EMB: variants seen among roughly 807,000 people sequenced by gnomAD.
EMB encodes embigin.
A neutral mutation model predicts 41.4 loss-of-function variants in EMB; 31 were observed. The observed-to-expected ratio is 0.75, with a 90% CI of 0.56 to 1.01. The LOEUF (loss-of-function observed/expected upper bound fraction) is 1.01. Ranked by LOEUF, EMB falls within the 50% of genes least tolerant of loss-of-function variation. The pLI is 0.00. For synonymous variants in EMB, 137 were observed against 140.4 expected (o/e 0.98, Z 0.17); for missense variants, 379 against 388.3 (o/e 0.98, Z 0.20).
At chr5:50,438,331 C>T (rs1745839231) in intron 1 of EMB, among the ~76,000 whole-genome samples, 2 of 152,190 alleles carry the variant, frequency 1.3e-5, no homozygotes, top group South Asian at 2.1e-4. Flanking sequence ...CCTCTGCCCT[C>T]CAGCCTGAGC....
intron 2 of EMB, among the ~76,000 whole-genome samples, chr5:50,419,137 T>C (rs1471636970): frequency 1.3e-5 from 2 of 152,224 alleles, no homozygotes; most frequent in African/African-American, 2.4e-5. Flanking sequence ...AGGACTCAGA[T>C]CAGCCAGTCC....
At chr5:50,440,835 G>A (rs1745895002) in intron 1 of EMB, among the ~76,000 whole-genome samples, 1 of 152,116 alleles carries the variant, frequency 6.6e-6, no homozygotes, top group Non-Finnish European at 1.5e-5. Context: ...AGGAACGCGA[G>A]CCGCAGCAGT....
At chr5:50,440,653 A>T (rs1021876416) in intron 1 of EMB, among the ~76,000 whole-genome samples, 1 of 152,020 alleles carries the variant, frequency 6.6e-6, no homozygotes, top group African/African-American at 2.4e-5. Flanking sequence ...GCCTTGGGGA[A>T]ATGTGGCTTT....
chr5:50,427,535 G>A (rs1378184585), intron 2 of EMB, among the ~76,000 whole-genome samples: 1 of 151,384 alleles, frequency 6.6e-6, no homozygotes, highest in Non-Finnish European at 1.5e-5. Context: ...ATTTGACAGA[G>A]TCTCACTCTG....
rs767362572 is a variant in EMB at position 50,405,789 on chromosome 5, G to T, written c.536C>A (p.Thr179Lys). 1.3e-5 allele frequency: 21 copies of T among 1,606,672 alleles called. No individual in the cohort carries two copies. The highest frequency in any genetic ancestry group is 3.4e-5 in the Admixed American group (2 of 59,008). ...ISYVGDSTVL[T>K]CKCQNCFPLN... ...AGGAAAACAATTTTGACATTTACAT[G>T]TCAAGACAGTAGAATCCCCTACGTA... The change falls in exon 5 of 9, where the codon ACA becomes AAA. Residue 179 changes from threonine (T) to lysine (K), a missense_variant. Physicochemically the swap from Thr to Lys is moderately conservative, Grantham distance 78. Coordinates refer to ENST00000303221, the MANE Select transcript of EMB (RefSeq NM_198449.3).
intron 5 of EMB, 82 bp downstream of exon 5, chr5:50,405,643 C>T (rs1462108980): frequency 2.0e-6 from 3 of 1,479,524 alleles, no homozygotes; most frequent in Admixed American, 4.9e-5. Flanking sequence ...CTTAGGAATG[C>T]TGAGTCTGTT....
intron 5 of EMB, among the ~76,000 whole-genome samples, chr5:50,405,354 A>AT (rs1396231996): frequency 1.3e-5 from 2 of 151,960 alleles, no homozygotes; most frequent in African/African-American, 4.8e-5. Context: ...GATGTCTAGC[A>AT]TTTTTTCTAG....
chr5:50,412,255 C>A, intron 2 of EMB, among the ~76,000 whole-genome samples: 1 of 120,788 alleles, frequency 8.3e-6, no homozygotes, highest in East Asian at 2.6e-4. Context: ...CACACACACA[C>A]AGACACACAC....
intron 7 of EMB, among the ~76,000 whole-genome samples, chr5:50,401,098 A>G (rs2036902): frequency 0.39 from 59,951 of 151,874 alleles, 12,360 homozygotes; most frequent in African/African-American, 0.51. Context: ...TAAATAAGAT[A>G]TCTATGTTCT....
chr5:50,402,777 G>A lies in EMB; in HGVS notation c.877+401C>T, dbSNP rs6884171. Among the ~76,000 whole-genome samples, 10 of 140,230 alleles carry A rather than the reference G, an allele frequency of 7.1e-5. No homozygotes were observed. In the East Asian group the frequency reaches 2.0e-3, roughly 27 times the overall value. The allele number at this position is 140,230 out of a possible 152,430, so 92.0% of individuals were successfully genotyped here. ...TGATAATCTAAGTGAAAGAAAAATT[G>A]TTTCTTTTAGACTTTTTATATTAAG... On this transcript the variant is annotated intron_variant, in intron 6 of 8. Transcript: ENST00000303221.
chr5:50,415,650 G>C (rs773410359), intron 2 of EMB, among the ~76,000 whole-genome samples: 7 of 152,144 alleles, frequency 4.6e-5, no homozygotes, highest in Non-Finnish European at 8.8e-5. Flanking sequence ...GGCAAAGAGA[G>C]GCTATTTTGT....
At chr5:50,435,527 C>A (rs1002380800) in intron 1 of EMB, among the ~76,000 whole-genome samples, 11 of 152,128 alleles carry the variant, frequency 7.2e-5, no homozygotes, top group African/African-American at 2.7e-4. Flanking sequence ...GACAGTTCTG[C>A]TCTAATATGA....
At position 50,398,057 on chromosome 5, in the gene EMB, C is replaced by T. The variant is rs1745100119; in HGVS notation, c.*1216G>A. On this transcript the variant is annotated 3_prime_UTR_variant, in exon 9 of 9. Transcript: ENST00000303221. The stretch of plus-strand genomic sequence containing the variant: ...CCCCAACCTTTAAATTCCCTAGTCG[C>T]CAAGAATCTTGGGTTCCACACCACC... The T allele has an allele frequency of 6.6e-6, 1 of 151,592 alleles. No individual in the cohort carries two copies. Among genetic ancestry groups the T allele is most frequent in the Non-Finnish European group, 1.5e-5 (1 of 67,920 alleles). 9.4% of individuals were successfully genotyped at this position (151,592 alleles called of 1,614,324 possible).
At chr5:50,420,447 C>G (rs1389942309) in intron 2 of EMB, among the ~76,000 whole-genome samples, 1 of 152,196 alleles carries the variant, frequency 6.6e-6, no homozygotes, top group African/African-American at 2.4e-5. Flanking sequence ...TCAGTACATA[C>G]ATTTTGTACA....
chr5:50,409,304 A>G (rs1206825903), intron 4 of EMB, among the ~76,000 whole-genome samples: 1 of 152,132 alleles, frequency 6.6e-6, no homozygotes, highest in African/African-American at 2.4e-5. Flanking sequence ...AGTAATTATC[A>G]AAACTAATGA....
upstream of EMB, among the ~76,000 whole-genome samples, chr5:50,442,098 A>G (rs774826770): frequency 6.6e-6 from 1 of 152,210 alleles, no homozygotes; most frequent in Non-Finnish European, 1.5e-5. Flanking sequence ...CCAGGATGTT[A>G]TAACGCATTA....
chr5:50,420,942 T>C (rs1745510918), intron 2 of EMB, among the ~76,000 whole-genome samples: 1 of 152,182 alleles, frequency 6.6e-6, no homozygotes, highest in Non-Finnish European at 1.5e-5. Flanking sequence ...GACTCATCCA[T>C]TGGCCAAAAC....
At chr5:50,428,073 T>C in intron 2 of EMB, 71 bp downstream of exon 2, 1 of 1,078,584 alleles carries the variant, frequency 9.3e-7, no homozygotes, top group Non-Finnish European at 1.4e-6. Flanking sequence ...CAAAAAGCAG[T>C]AGCTTTGTTT....
intron 2 of EMB, among the ~76,000 whole-genome samples, chr5:50,427,155 C>T (rs887637677): frequency 5.3e-5 from 8 of 152,132 alleles, no homozygotes; most frequent in African/African-American, 1.9e-4. Flanking sequence ...AATAAAACCT[C>T]TAAACTTCTC....
Sources: allele counts gnomAD v4.1 joint callset (sites outside exome capture counted in the v4.1 genomes callset), GRCh38; gene constraint gnomAD v4.1.1; transcripts MANE v1.5; gene names NCBI Gene and HGNC (gene_info 2026-07-23, HGNC 2026-07-21).